TERF1: variants seen among roughly 807,000 people sequenced by gnomAD.
TERF1 encodes telomeric repeat binding factor 1, also known as telomeric repeat-binding factor 1.
A neutral mutation model predicts 55.1 loss-of-function variants in TERF1; 20 were observed. The observed-to-expected ratio is 0.36, with a 90% CI of 0.26 to 0.53. The LOEUF (loss-of-function observed/expected upper bound fraction) is 0.53, where lower values mean the gene tolerates loss of function less well. TERF1 is among the 20% of genes least tolerant of loss of function. The pLI is 0.91. For missense variants in TERF1, 439 were observed against 535.7 expected (o/e 0.82, Z 1.78); for synonymous variants, 168 against 181.2 (o/e 0.93, Z 0.59).
intron 8 of TERF1, among the ~76,000 whole-genome samples, chr8:73,036,615 G>T (rs1809523088): frequency 6.6e-6 from 1 of 151,572 alleles, no homozygotes; most frequent in African/African-American, 2.4e-5. Context: ...CCACAGCAGG[G>T]ATACCAGAAT....
chr8:73,037,554 G>T (rs1235396799), intron 8 of TERF1, among the ~76,000 whole-genome samples: 1 of 96,812 alleles, frequency 1.0e-5, no homozygotes, highest in Non-Finnish European at 2.0e-5. Context: ...AAAATATTCG[G>T]GGGGGAAAAT....
At chr8:73,011,751 T>G (rs1402786611) in intron 1 of TERF1, 1 of 152,364 alleles carries the variant, frequency 6.6e-6, no homozygotes, top group African/African-American at 2.4e-5. Context: ...GCAATTTTCT[T>G]ACCTCTGTCA....
At position 73,030,323 on chromosome 8, in the gene TERF1, T is replaced by C; in HGVS notation, c.888-13T>C. 6.5e-7 allele frequency: 1 copy of C among 1,536,756 alleles called. No homozygotes were observed. ...TTTGTTTACATTCTTACAAATTTTT[T>C]CTTCTTTTAAAGTGTTAGTGACAAA... On this transcript the variant is annotated splice_polypyrimidine_tract_variant and intron_variant, in intron 6 of 9. Transcript: ENST00000276603.
Position 73,027,158 on chromosome 8 carries a change from T to C in TERF1, c.887+106T>C, listed in dbSNP as rs990409701. The C allele has an allele frequency of 6.4e-6, 5 of 786,256 alleles. No homozygotes were observed. The Admixed American group carries it at 1.4e-4, about 22-fold the overall frequency. The allele number at this position is 786,256 out of a possible 1,614,324, so 48.7% of individuals were successfully genotyped here. ...AAAATAATTATTGAGTAGCATGTTATCTTGCTGATGATTAACATTTAGGTA... is the reference window on the plus strand; with the variant it reads ...AAAATAATTATTGAGTAGCATGTTACCTTGCTGATGATTAACATTTAGGTA... On this transcript the variant is annotated intron_variant, in intron 6 of 9. Transcript: ENST00000276603.
intron 9 of TERF1, among the ~76,000 whole-genome samples, chr8:73,042,732 A>G (rs944064834): frequency 4.6e-5 from 7 of 152,330 alleles, no homozygotes; most frequent in Non-Finnish European, 5.9e-5. Context: ...TAGAATGGAT[A>G]TACAGTGCAG....
intron 4 of TERF1, among the ~76,000 whole-genome samples, chr8:73,022,568 C>T (rs989563379): frequency 1.3e-5 from 2 of 151,754 alleles, no homozygotes; most frequent in African/African-American, 4.8e-5. Context: ...CCAGCCTGGG[C>T]AACATGGAGA....
chr8:73,017,764 G>A (rs9298212), intron 2 of TERF1, among the ~76,000 whole-genome samples: 59,091 of 149,904 alleles, frequency 0.39, 12,231 homozygotes, highest in Non-Finnish European at 0.46. Flanking sequence ...GTACAGTGAC[G>A]CCATCTTGGC....
Position 73,025,312 on chromosome 8 carries a change from T to G in TERF1, c.774+341T>G, listed in dbSNP as rs74839030. Among the ~76,000 whole-genome samples the G allele has an allele frequency of 6.9e-3, 1,052 of 152,280 alleles. 7 individuals are homozygous for G. The highest frequency in any genetic ancestry group is 0.023 in the African/African-American group (969 of 41,562). ...ACATATTTTTGGGGAAAAATAGAAT[T>G]GTATTAAAGAAGGGCCTTTTAAAAT... On this transcript the variant is annotated intron_variant, in intron 5 of 9. Transcript: ENST00000276603.
Position 73,008,914 on chromosome 8 carries a change from C to A in TERF1, c.28C>A (p.Pro10Thr). ...GGCGGAGGATGTTTCCTCAGCGGCC[C>A]CGAGCCCGCGGGGCTGTGCGGATGG... The part of the protein sequence containing the change: MAEDVSSAA[P>T]SPRGCADGRD... The change falls in exon 1 of 10, where the codon CCG becomes ACG. Residue 10 changes from proline to threonine, a missense_variant. Transcript: ENST00000276603. 2 of 1,610,804 alleles carry A rather than the reference C, an allele frequency of 1.2e-6. No homozygotes were observed.
intron 2 of TERF1, among the ~76,000 whole-genome samples, chr8:73,016,133 A>G (rs1050985593): frequency 2.0e-5 from 3 of 152,158 alleles, no homozygotes; most frequent in Non-Finnish European, 1.5e-5. Flanking sequence ...AAAAAATCAA[A>G]TGAGATATTT....
intron 3 of TERF1, among the ~76,000 whole-genome samples, chr8:73,021,861 T>A (rs1808772022): frequency 6.6e-6 from 1 of 152,192 alleles, no homozygotes; most frequent in Non-Finnish European, 1.5e-5. Context: ...ATCATCTACC[T>A]CCTCTCATTT....
chr8:73,026,195 C>G (rs1808987172), intron 5 of TERF1, among the ~76,000 whole-genome samples: 1 of 127,052 alleles, frequency 7.9e-6, no homozygotes, highest in Non-Finnish European at 1.7e-5. Flanking sequence ...TGAGACTTGT[C>G]TCAAAAAAAA....
chr8:73,020,710 A>G lies in TERF1; in HGVS notation c.442A>G (p.Ile148Val). 1 of 1,604,434 alleles carries G rather than the reference A, an allele frequency of 6.2e-7. No individual in the cohort carries two copies. The highest frequency in any genetic ancestry group is 8.5e-7 in the Non-Finnish European group (1 of 1,176,582). ...TGCACAGTTTGAAAATGATGAACGA[A>G]TTACACCCTTGGAATCAGCCCTGAT... ...LDAQFENDER[I>V]TPLESALMIW... is the part of the protein sequence containing the mutation. Residue 148 changes from isoleucine to valine, a missense_variant, in exon 3 of 10, where the codon ATT becomes GTT. Ile to Val is a conservative substitution (Grantham distance 29). Coordinates refer to ENST00000276603, the MANE Select transcript of TERF1 (RefSeq NM_017489.3).
intron 2 of TERF1, 90 bp from the exon 3 acceptor site, chr8:73,020,594 T>G: frequency 1.8e-6 from 2 of 1,133,276 alleles, no homozygotes; most frequent in South Asian, 3.4e-5. Context: ...TAGTATACAC[T>G]CAGTAAATAT....
chr8:73,024,359 A>G (rs929312509), intron 4 of TERF1, among the ~76,000 whole-genome samples: 2 of 152,316 alleles, frequency 1.3e-5, no homozygotes, highest in South Asian at 4.1e-4. Context: ...GCATCGTACA[A>G]CACTATTTGT....
Position 73,032,066 on chromosome 8 carries a change from T to C in TERF1, c.972T>C (p.Ser324=), listed in dbSNP as rs750948325. ...LLRSHKNLFL[S]KLQHGTQQQD... The stretch of plus-strand genomic sequence containing the variant: ...GGTCTCACAAGAATCTTTTCTTATC[T>C]AAGTTGCAACATGGAACCCAGCAAC... The change falls in exon 8 of 10, where the codon TCT becomes TCC. Residue 324 remains serine, a synonymous_variant. Transcript: ENST00000276603. 3 of 1,611,334 alleles carry C rather than the reference T, an allele frequency of 1.9e-6. No individual in the cohort carries two copies. Among genetic ancestry groups the C allele is most frequent in the Admixed American group, 3.3e-5 (2 of 59,728 alleles).
chr8:73,029,815 A>C (rs1809201000), intron 6 of TERF1: 1 of 152,148 alleles, frequency 6.6e-6, no homozygotes, highest in Non-Finnish European at 1.5e-5. Context: ...ATTTTAGGAG[A>C]GAGGAATATT....
At chr8:73,031,999 T>C (rs1243541104) in intron 7 of TERF1, 43 bp from the exon 8 acceptor site, 9 of 1,381,258 alleles carry the variant, frequency 6.5e-6, no homozygotes, top group Non-Finnish European at 9.2e-6. Flanking sequence ...ATTGCCTTAC[T>C]ATCTTTCTGG....
chr8:73,046,010 A>G lies in TERF1; in HGVS notation c.1193A>G (p.Tyr398Cys), dbSNP rs760966818. ...DKNLRSGVRK[Y>C]GEGNWSKILL... ...AATTTGAGATCTGGCGTGAGGAAAT[A>G]TGGAGAGGGAAACTGGTCTAAAATA... The change falls in exon 10 of 10, where the codon TAT (tyrosine) becomes TGT (cysteine). Residue 398 changes from tyrosine to cysteine, a missense_variant. Physicochemically the swap from Tyr to Cys is radical, Grantham distance 194. Around this residue, in one of 4 missense-constraint regions of TERF1, gnomAD observed 25 missense variants for 57.3 expected, o/e 0.44. Transcript: ENST00000276603. 1.5e-5 allele frequency: 24 copies of G among 1,607,248 alleles called. No individual in the cohort carries two copies. The highest frequency in any genetic ancestry group is 2.0e-5 in the Non-Finnish European group (23 of 1,177,384).
Sources: allele counts gnomAD v4.1 joint callset (sites outside exome capture counted in the v4.1 genomes callset), GRCh38; gene constraint gnomAD v4.1.1; regional missense constraint gnomAD v4.1.1; transcripts MANE v1.5; gene names NCBI Gene and HGNC (gene_info 2026-07-23, HGNC 2026-07-21).